PM20D2: variants seen among roughly 807,000 people sequenced by gnomAD.
The protein encoded by PM20D2 is xaa-Arg dipeptidase.
PM20D2 carries 33 observed loss-of-function variants against 42.9 expected under a neutral mutation model. The observed-to-expected ratio is 0.77, with a 90% CI of 0.58 to 1.03. The LOEUF (loss-of-function observed/expected upper bound fraction) is 1.03, where lower values mean the gene tolerates loss of function less well. PM20D2 is among the 50% of genes least tolerant of loss of function. The pLI is 0.00. For synonymous variants in PM20D2, 250 were observed against 228.2 expected, an observed-to-expected ratio of 1.10 and a Z score of -0.86; for missense variants, 548 against 557.0, an observed-to-expected ratio of 0.98 and a Z score of 0.16.
At chr6:89,148,510 C>T (rs951655123) in intron 1 of PM20D2, 2 of 975,012 alleles carry the variant, frequency 2.1e-6, no homozygotes, top group African/African-American at 3.5e-5. Flanking sequence ...GTAAAGTTCT[C>T]TTTTGTTTAA....
At chr6:89,105,301 C>G in the PM20D2 span, 1 of 1,581,206 alleles carries the variant, frequency 6.3e-7, no homozygotes, top group African/African-American at 1.4e-5. Context: ...AATTCGTTAC[C>G]TGAACACCAC....
the PM20D2 span, chr6:89,106,975 G>C: frequency 1.5e-6 from 1 of 663,170 alleles, no homozygotes; most frequent in Non-Finnish European, 2.7e-6. Context: ...TAGCTAACAG[G>C]TTGGTTCAAA....
the PM20D2 span, chr6:89,096,125 C>T: frequency 6.6e-6 from 1 of 152,154 alleles, no homozygotes; most frequent in Non-Finnish European, 1.5e-5. Context: ...TCATTTTCAT[C>T]GAAGCCTACA....
the PM20D2 span, among the ~76,000 whole-genome samples, chr6:89,099,861 C>A: frequency 6.6e-6 from 1 of 152,040 alleles, no homozygotes; most frequent in South Asian, 2.1e-4. Flanking sequence ...AAAAGCTACA[C>A]AACATTTATA....
chr6:89,110,086 G>A, the PM20D2 span, among the ~76,000 whole-genome samples: 1 of 145,706 alleles, frequency 6.9e-6, no homozygotes, highest in African/African-American at 2.4e-5. Context: ...GCAAGACTCT[G>A]TCTCAAAAAA....
the PM20D2 span, among the ~76,000 whole-genome samples, chr6:89,134,157 A>G: frequency 6.6e-6 from 1 of 151,108 alleles, no homozygotes; most frequent in Non-Finnish European, 1.5e-5. Flanking sequence ...TTAAATGACA[A>G]AGGCTTTGAG....
the PM20D2 span, among the ~76,000 whole-genome samples, chr6:89,132,980 T>C: frequency 6.6e-6 from 1 of 151,092 alleles, no homozygotes; most frequent in Middle Eastern, 3.4e-3. Context: ...CTCAGCACTT[T>C]GGGAGGCTGA....
At chr6:89,115,012 G>A in the PM20D2 span, among the ~76,000 whole-genome samples, 1 of 152,052 alleles carries the variant, frequency 6.6e-6, no homozygotes, top group African/African-American at 2.4e-5. Flanking sequence ...TGGCCAGGCT[G>A]GTCTCAAACT....
chr6:89,159,110 A>G (rs1771149612), intron 5 of PM20D2, among the ~76,000 whole-genome samples: 2 of 152,194 alleles, frequency 1.3e-5, no homozygotes, highest in Admixed American at 6.5e-5. Flanking sequence ...TGAGGTGCTT[A>G]TAGTATTTCT....
At chr6:89,113,470 C>T in the PM20D2 span, among the ~76,000 whole-genome samples, 22 of 152,202 alleles carry the variant, frequency 1.4e-4, no homozygotes, top group Admixed American at 5.9e-4. Flanking sequence ...CCGCACCCAG[C>T]CCAATTTTTT....
rs2127781026 is a variant in PM20D2 at position 89,158,382 on chromosome 6, T to C, written c.970T>C (p.Trp324Arg). ...YYNVLPNKSL[W>R]KAYMENGRKL... The stretch of plus-strand genomic sequence containing the variant: ...CAATGTTCTTCCCAATAAGAGCCTA[T>C]GGAAAGCCTATATGGAAAATGGAAG... The change falls in exon 5 of 7, where the codon TGG (tryptophan) becomes CGG (arginine). Residue 324 changes from tryptophan (W) to arginine (R), a missense_variant. Transcript: ENST00000275072. The C allele has an allele frequency of 6.2e-7, 1 of 1,612,212 alleles. No homozygotes were observed. The highest frequency in any genetic ancestry group is 2.2e-5 in the East Asian group (1 of 44,724).
chr6:89,128,004 T>A, the PM20D2 span, among the ~76,000 whole-genome samples: 8 of 152,182 alleles, frequency 5.3e-5, no homozygotes, highest in Non-Finnish European at 7.3e-5. Context: ...ACTGTACAAA[T>A]TGATTGTAAA....
chr6:89,125,062 T>C, the PM20D2 span, among the ~76,000 whole-genome samples: 1 of 151,992 alleles, frequency 6.6e-6, no homozygotes, highest in African/African-American at 2.4e-5. Flanking sequence ...AAGCAGGAGA[T>C]TAAGATCAGA....
intron 3 of PM20D2, among the ~76,000 whole-genome samples, chr6:89,154,274 T>C (rs1038324938): frequency 5.9e-5 from 9 of 152,200 alleles, no homozygotes; most frequent in Non-Finnish European, 1.0e-4. Flanking sequence ...CTTAGTGATC[T>C]TTGACCTGCA....
At chr6:89,137,519 G>T in the PM20D2 span, among the ~76,000 whole-genome samples, 3 of 152,186 alleles carry the variant, frequency 2.0e-5, no homozygotes, top group Non-Finnish European at 2.9e-5. Flanking sequence ...GGTTTAATAT[G>T]ATCTTGCATG....
chr6:89,144,593 C>A (rs1770456795), upstream of PM20D2, among the ~76,000 whole-genome samples: 1 of 152,226 alleles, frequency 6.6e-6, no homozygotes. Context: ...TAAATAACCA[C>A]ATTAACCACC....
the PM20D2 span, among the ~76,000 whole-genome samples, chr6:89,140,359 C>T: frequency 3.3e-5 from 5 of 152,220 alleles, no homozygotes; most frequent in Non-Finnish European, 7.3e-5. Flanking sequence ...ACCATCTATA[C>T]CTGCCATCCA....
the PM20D2 span, among the ~76,000 whole-genome samples, chr6:89,128,706 ATGG>A: frequency 6.6e-6 from 1 of 152,310 alleles, no homozygotes; most frequent in East Asian, 1.9e-4. Flanking sequence ...GGTGGGCATC[ATGG>A]TCCCACCAAT....
intron 4 of PM20D2, among the ~76,000 whole-genome samples, chr6:89,155,451 C>T (rs1384166175): frequency 6.6e-6 from 1 of 151,464 alleles, no homozygotes; most frequent in Non-Finnish European, 1.5e-5. Context: ...CCACACGTGG[C>T]TAATTTTTTG....
Sources: gnomAD v4.1 joint callset for allele counts (sites outside exome capture counted in the v4.1 genomes callset) on GRCh38, gnomAD v4.1.1 for gene constraint, MANE v1.5 for transcripts, NCBI Gene and HGNC (gene_info 2026-07-23, HGNC 2026-07-21) for gene names.